Variants in ST8SIA4 observed in about 807,000 individuals in gnomAD.
ST8SIA4 encodes the protein ST8 alpha-N-acetyl-neuraminide alpha-2,8-sialyltransferase 4, also known as CMP-N-acetylneuraminate-poly-alpha-2,8-sialyltransferase.
Under a neutral mutation model 33.9 loss-of-function variants are expected in ST8SIA4, and 15 were observed. The observed-to-expected ratio is 0.44, with a 90% CI of 0.30 to 0.68. The LOEUF (loss-of-function observed/expected upper bound fraction) is 0.68, where lower values mean the gene tolerates loss of function less well. Ranked by LOEUF, ST8SIA4 falls within the 30% of genes least tolerant of loss-of-function variation. The probability of loss-of-function intolerance (pLI) is 0.10; values close to 1 mark genes in which losing one functional copy is unlikely to be tolerated. For missense variants in ST8SIA4, 321 were observed against 428.0 expected (o/e 0.75, Z 2.21); for synonymous variants, 171 against 151.2 (o/e 1.13, Z -0.96).
chr5:100,892,935 A>G (rs1276221582), intron 2 of ST8SIA4, among the ~76,000 whole-genome samples: 1 of 152,132 alleles, frequency 6.6e-6, no homozygotes, highest in Non-Finnish European at 1.5e-5. Context: ...GCAAACCACC[A>G]TGGCACATAT....
At chr5:100,864,571 G>C (rs1450531735) in intron 3 of ST8SIA4, among the ~76,000 whole-genome samples, 2 of 81,506 alleles carry the variant, frequency 2.5e-5, no homozygotes, top group East Asian at 6.9e-4. Context: ...CAAGACTCCG[G>C]CTCAAAAAAA....
chr5:100,811,790 A>C lies in ST8SIA4; in HGVS notation c.*57T>G. ...CAGCCGTGTTTTGGATCCTATTTTC[A>C]AATCTTCGGAAGCATCTTCAGAAAA... On this transcript the variant is annotated 3_prime_UTR_variant, in exon 5 of 5. Transcript: ENST00000231461. 6.6e-7 allele frequency: 1 copy of C among 1,517,674 alleles called. No individual in the cohort carries two copies. Among genetic ancestry groups the C allele is most frequent in the Non-Finnish European group, 8.8e-7 (1 of 1,131,098 alleles). The allele number at this position is 1,517,674 out of a possible 1,614,324, so 94.0% of individuals were successfully genotyped here.
At chr5:100,895,840 C>T (rs1752769068) in intron 1 of ST8SIA4, 55 bp from the exon 2 acceptor site, 5 of 1,558,704 alleles carry the variant, frequency 3.2e-6, no homozygotes, top group African/African-American at 1.4e-5. Flanking sequence ...TTTGTGTATA[C>T]AGCACAGTAC....
At chr5:100,899,466 A>T (rs1314832440) in intron 1 of ST8SIA4, among the ~76,000 whole-genome samples, 1 of 152,200 alleles carries the variant, frequency 6.6e-6, no homozygotes, top group Non-Finnish European at 1.5e-5. Flanking sequence ...TCTAAGTAAA[A>T]ATATTTATTT....
intron 4 of ST8SIA4, among the ~76,000 whole-genome samples, chr5:100,832,876 C>A (rs543123847): frequency 6.6e-6 from 1 of 152,082 alleles, no homozygotes; most frequent in Non-Finnish European, 1.5e-5. Context: ...TACTCTACCA[C>A]CTTCCGTTAA....
At chr5:100,888,656 T>C (rs1486882881) in intron 2 of ST8SIA4, among the ~76,000 whole-genome samples, 1 of 151,942 alleles carries the variant, frequency 6.6e-6, no homozygotes, top group Non-Finnish European at 1.5e-5. Context: ...GAGAGCAGAA[T>C]ATAACCTCAT....
chr5:100,864,153 T>G (rs1752008930), intron 3 of ST8SIA4, among the ~76,000 whole-genome samples: 1 of 152,172 alleles, frequency 6.6e-6, no homozygotes, highest in South Asian at 2.1e-4. Context: ...GACAACAATT[T>G]GTAAATACTT....
intron 3 of ST8SIA4, among the ~76,000 whole-genome samples, chr5:100,859,751 T>C (rs1751894036): frequency 6.6e-6 from 1 of 152,118 alleles, no homozygotes; most frequent in African/African-American, 2.4e-5. Flanking sequence ...AATAAATGTT[T>C]ATTTCATGTG....
chr5:100,884,695 A>G (rs1752499883), intron 3 of ST8SIA4, among the ~76,000 whole-genome samples: 1 of 152,244 alleles, frequency 6.6e-6, no homozygotes. Context: ...TAGGAATTGA[A>G]ATAATGCAAA....
intron 4 of ST8SIA4, among the ~76,000 whole-genome samples, chr5:100,854,305 C>T (rs1392638302): frequency 6.6e-6 from 1 of 151,664 alleles, no homozygotes; most frequent in Non-Finnish European, 1.5e-5. Context: ...CAATTTAGGC[C>T]AGGCACGGTG....
At chr5:100,814,141 T>C (rs1181088563) in intron 4 of ST8SIA4, among the ~76,000 whole-genome samples, 6 of 152,022 alleles carry the variant, frequency 3.9e-5, no homozygotes. Context: ...ACGTTAGAAA[T>C]GCTGAAAGCA....
intron 3 of ST8SIA4, among the ~76,000 whole-genome samples, chr5:100,875,658 A>G (rs1166352650): frequency 6.6e-6 from 1 of 152,170 alleles, no homozygotes; most frequent in African/African-American, 2.4e-5. Flanking sequence ...GTAATTGGGC[A>G]CTGTTCATGA....
intron 3 of ST8SIA4, among the ~76,000 whole-genome samples, chr5:100,862,484 C>T (rs184365353): frequency 6.6e-5 from 10 of 152,034 alleles, no homozygotes; most frequent in Non-Finnish European, 1.3e-4. Context: ...CTCCTATCTC[C>T]GCCTCCTGGG....
At chr5:100,855,269 T>C (rs1363090164) in intron 4 of ST8SIA4, among the ~76,000 whole-genome samples, 6 of 152,212 alleles carry the variant, frequency 3.9e-5, no homozygotes, top group Non-Finnish European at 8.8e-5. Context: ...ACTTTCCAAG[T>C]GTCTTTGTGA....
intron 3 of ST8SIA4, among the ~76,000 whole-genome samples, chr5:100,871,575 G>A (rs1473011306): frequency 6.6e-6 from 1 of 151,992 alleles, no homozygotes; most frequent in Non-Finnish European, 1.5e-5. Context: ...CTTTACATAT[G>A]TTTGATAAAT....
intron 3 of ST8SIA4, among the ~76,000 whole-genome samples, chr5:100,880,360 G>A (rs1214745364): frequency 2.0e-5 from 3 of 152,148 alleles, no homozygotes; most frequent in South Asian, 4.1e-4. Flanking sequence ...GTGGTAGGGG[G>A]TGTTTCTGAT....
intron 3 of ST8SIA4, among the ~76,000 whole-genome samples, chr5:100,871,118 A>C (rs1752189664): frequency 6.6e-6 from 1 of 152,106 alleles, no homozygotes; most frequent in Non-Finnish European, 1.5e-5. Context: ...GAGTAGAAGG[A>C]TAAAGTCTTA....
At chr5:100,845,138 C>T (rs1404529861) in intron 4 of ST8SIA4, among the ~76,000 whole-genome samples, 2 of 152,080 alleles carry the variant, frequency 1.3e-5, no homozygotes, top group African/African-American at 4.8e-5. Context: ...ACATGAGACA[C>T]TAGAGTTAGT....
rs373035626 is a variant in ST8SIA4, at chr5:100,816,451, T to C, written c.798-4322A>G. On this transcript the variant is annotated intron_variant, in intron 4 of 4. Transcript: ENST00000231461. ...AACAAGGAATATTGGTTTGTGTTTATATTTAAATAAAGAAGTCTAAAAGTT... is the reference window on the plus strand; with the variant it reads ...AACAAGGAATATTGGTTTGTGTTTACATTTAAATAAAGAAGTCTAAAAGTT... The C allele has an allele frequency of 6.2e-4, 323 of 517,876 alleles. 7 individuals are homozygous for C. The highest frequency in any genetic ancestry group is 4.2e-3 in the South Asian group (285 of 67,756). The allele number at this position is 517,876 out of a possible 1,614,324, so 32.1% of individuals were successfully genotyped here. A position where few individuals can be genotyped will look rare whatever the true frequency, so the allele number is the denominator to read the frequency against.
Sources: allele counts gnomAD v4.1 joint callset (sites outside exome capture counted in the v4.1 genomes callset), GRCh38; gene constraint gnomAD v4.1.1; transcripts MANE v1.5; gene names NCBI Gene and HGNC (gene_info 2026-07-23, HGNC 2026-07-21).